Variants in MGAM2 observed in about 807,000 individuals in gnomAD.
MGAM2 encodes maltase-glucoamylase 2 (putative).
In MGAM2, 98 loss-of-function variants were observed where a neutral mutation model predicts 96.1. The observed-to-expected ratio is 1.02, with a 90% CI of 0.87 to 1.21. The LOEUF is 1.21. MGAM2 is among the 50% of genes most tolerant of loss of function. The probability of loss-of-function intolerance (pLI) is 0.00; values close to 1 mark genes in which losing one functional copy is unlikely to be tolerated. For synonymous variants in MGAM2, 749 were observed against 414.8 expected, an observed-to-expected ratio of 1.81 and a Z score of -9.79; for missense variants, 2,055 against 1,182.4, an observed-to-expected ratio of 1.74 and a Z score of -10.82.
chr7:142,131,626 A>G lies in MGAM2; in HGVS notation c.419A>G (p.Lys140Arg), dbSNP rs1794891803. The change falls in exon 5 of 48, where the codon AAG becomes AGG. Residue 140 changes from lysine to arginine, a missense_variant and splice_region_variant. Transcript: ENST00000477922. Reference sequence around the variant, plus strand: ...CAGACATCCAATCGGTTTCATTTTAAGGTTGGTTTGGGAGTGACTGCTAAA... The same window carrying G: ...CAGACATCCAATCGGTTTCATTTTAGGGTTGGTTTGGGAGTGACTGCTAAA... ...EYQTSNRFHF[K>R]ITDFNNIRYE... The G allele has an allele frequency of 1.4e-6, 1 of 703,100 alleles. No individual in the cohort carries two copies. The highest frequency in any genetic ancestry group is 2.0e-5 in the Admixed American group (1 of 49,994). 43.6% of individuals were successfully genotyped at this position (703,100 alleles called of 1,614,324 possible). A position where few individuals can be genotyped will look rare whatever the true frequency, so the allele number is the denominator to read the frequency against.
intron 3 of MGAM2, among the ~76,000 whole-genome samples, chr7:142,128,917 T>A (rs1585145563): frequency 1.2e-5 from 1 of 81,694 alleles, no homozygotes; most frequent in African/African-American, 5.5e-5. Context: ...AGAGGGCCAC[T>A]GTCCTCCAGC....
Position 142,198,167 on chromosome 7 carries a change from C to T in MGAM2, c.4895C>T (p.Pro1632Leu), listed in dbSNP as rs773176070. ...ACATTTGAGATCTCTGCTTATTTTC[C>T]GAGAGCCCGTTGGTATGACTATAGC... is the stretch of plus-strand genomic sequence containing the variant. The part of the protein sequence containing the change: ...TSTFEISAYF[P>L]RARWYDYSTG... Residue 1632 changes from proline (P) to leucine (L), a missense_variant, in exon 43 of 48, where the codon CCG becomes CTG. Pro to Leu is a moderately conservative substitution (Grantham distance 98). Transcript: ENST00000477922. The T allele has an allele frequency of 3.6e-5, 25 of 702,522 alleles. No individual in the cohort carries two copies. The highest frequency in any genetic ancestry group is 7.4e-5 in the South Asian group (5 of 67,516). 43.5% of individuals were successfully genotyped at this position (702,522 alleles called of 1,614,324 possible). A position where few individuals can be genotyped will look rare whatever the true frequency, so the allele number is the denominator to read the frequency against.
chr7:142,185,173 C>T (rs1338231725), intron 34 of MGAM2, 34 bp downstream of exon 34: 1 of 698,268 alleles, frequency 1.4e-6, no homozygotes, highest in Non-Finnish European at 2.6e-6. Context: ...TCAACATTGC[C>T]CTAAACATCT....
At position 142,172,769 on chromosome 7, in the gene MGAM2, G is replaced by A. The variant is rs963019016; in HGVS notation, c.3561+5G>A. The stretch of plus-strand genomic sequence containing the variant: ...GTAACTCAGCAATACACAGAGGTTA[G>A]AAGCCATTCTGTCCATCAATATATT... On this transcript the variant is annotated splice_donor_5th_base_variant and intron_variant, in intron 30 of 47. Transcript: ENST00000477922. 31 of 696,556 alleles carry A rather than the reference G, an allele frequency of 4.5e-5. No individual in the cohort carries two copies. Among genetic ancestry groups the A allele is most frequent in the Admixed American group, 1.5e-4 (7 of 48,258 alleles). The allele number at this position is 696,556 out of a possible 1,614,324, so 43.1% of individuals were successfully genotyped here. A position where few individuals can be genotyped will look rare whatever the true frequency, so the allele number is the denominator to read the frequency against.
At chr7:142,124,310 C>A (rs1794677490) in intron 3 of MGAM2, among the ~76,000 whole-genome samples, 1 of 151,980 alleles carries the variant, frequency 6.6e-6, no homozygotes, top group African/African-American at 2.4e-5. Context: ...ATCGATCCAT[C>A]ACCACTTATT....
chr7:142,185,884 GAGCA>G, intron 34 of MGAM2, 101 bp from the exon 35 acceptor site: 2 of 609,018 alleles, frequency 3.3e-6, no homozygotes, highest in Non-Finnish European at 5.9e-6. Flanking sequence ...TCTGAGATTA[GAGCA>G]GAGACTGATC....
chr7:142,214,607 C>T (rs1260782742), intron 46 of MGAM2, among the ~76,000 whole-genome samples: 1 of 152,134 alleles, frequency 6.6e-6, no homozygotes, highest in Non-Finnish European at 1.5e-5. Flanking sequence ...TGTGAAGGAC[C>T]TCTTCAAGGA....
chr7:142,204,091 C>T (rs1418350274), intron 45 of MGAM2, among the ~76,000 whole-genome samples: 4 of 151,952 alleles, frequency 2.6e-5, no homozygotes, highest in African/African-American at 4.8e-5. Flanking sequence ...TTTCTCTCAT[C>T]TACTTACCTA....
At chr7:142,190,261 A>G (rs1362996920) in intron 37 of MGAM2, among the ~76,000 whole-genome samples, 1 of 128,232 alleles carries the variant, frequency 7.8e-6, no homozygotes. Context: ...AGGCTGTACC[A>G]TTTTACTTTT....
intron 3 of MGAM2, among the ~76,000 whole-genome samples, chr7:142,123,963 C>CTTTTTT (rs960655956): frequency 7.1e-5 from 7 of 98,116 alleles, no homozygotes; most frequent in African/African-American, 2.7e-4. Context: ...AGTCCAGAAA[C>CTTTTTT]TTTTTTTTTT....
In MGAM2 at chr7:142,172,773, C is replaced by T. The variant is rs1463977925; in HGVS notation, c.3561+9C>T. 2.9e-6 allele frequency: 2 copies of T among 693,696 alleles called. No homozygotes were observed. The highest frequency in any genetic ancestry group is 5.2e-6 in the Non-Finnish European group (2 of 382,012). The allele number at this position is 693,696 out of a possible 1,614,324, so 43.0% of individuals were successfully genotyped here. ...CTCAGCAATACACAGAGGTTAGAAGCCATTCTGTCCATCAATATATTGTCA... is the reference window on the plus strand; with the variant it reads ...CTCAGCAATACACAGAGGTTAGAAGTCATTCTGTCCATCAATATATTGTCA... On this transcript the variant is annotated intron_variant, in intron 30 of 47. Transcript: ENST00000477922.
chr7:142,179,293 C>A (rs1364770239), intron 32 of MGAM2, among the ~76,000 whole-genome samples: 1 of 152,162 alleles, frequency 6.6e-6, no homozygotes, highest in Non-Finnish European at 1.5e-5. Context: ...GGAATCATGT[C>A]ATCCTTGGAG....
chr7:142,121,887 C>A (rs189232008), intron 3 of MGAM2, among the ~76,000 whole-genome samples: 32 of 151,894 alleles, frequency 2.1e-4, no homozygotes, highest in Admixed American at 3.3e-4. Context: ...TCTATTTCTT[C>A]CAGAATAATG....
At chr7:142,114,200 AAG>A (rs1256608272) in intron 1 of MGAM2, among the ~76,000 whole-genome samples, 1 of 139,270 alleles carries the variant, frequency 7.2e-6, no homozygotes, top group Non-Finnish European at 1.5e-5. Context: ...GAAAGAAAGA[AAG>A]AAAGAAAGAA....
intron 1 of MGAM2, among the ~76,000 whole-genome samples, chr7:142,113,048 A>C (rs1817227401): frequency 6.6e-6 from 1 of 152,188 alleles, no homozygotes; most frequent in Non-Finnish European, 1.5e-5. Context: ...ATTATTACAC[A>C]TTAACCTAAA....
chr7:142,221,739 C>T lies in MGAM2; in HGVS notation c.7228C>T (p.Leu2410Phe), dbSNP rs776423602. Residue 2410 changes from leucine (L) to phenylalanine (F), a missense_variant, in exon 48 of 48, where the codon CTT becomes TTT. By Grantham distance (22) the Leu-to-Phe change is conservative (BLOSUM62 0). Coordinates refer to ENST00000477922, the MANE Select transcript of MGAM2 (RefSeq NM_001293626.2). ...CCACACCTCATTAGCTCCTACAAATCTTTCTAATCTAGGCACCATGGATAT... is the reference window on the plus strand; with the variant it reads ...CCACACCTCATTAGCTCCTACAAATTTTTCTAATCTAGGCACCATGGATAT... ...LSHTSLAPTN[L>F]SNLGTMDITD... 9 of 408,694 alleles carry T rather than the reference C, an allele frequency of 2.2e-5. No homozygotes were observed. The highest frequency in any genetic ancestry group is 4.1e-5 in the African/African-American group (2 of 48,670). 25.3% of individuals were successfully genotyped at this position (408,694 alleles called of 1,614,324 possible).
At chr7:142,115,944 A>T (rs1817381647) in intron 1 of MGAM2, among the ~76,000 whole-genome samples, 1 of 152,238 alleles carries the variant, frequency 6.6e-6, no homozygotes, top group South Asian at 2.1e-4. Flanking sequence ...CAAAAGTGTA[A>T]CAGTTCTGGG....
rs1273755314 is a variant in MGAM2 at position 142,208,601 on chromosome 7, G to T, written c.5166G>T (p.Leu1722Phe). The change falls in exon 46 of 48, where the codon TTG (leucine) becomes TTT (phenylalanine). Residue 1722 changes from leucine (L) to phenylalanine (F), a missense_variant. Transcript: ENST00000477922. ...CCTATGAAAATGGAAATTATTTTTT[G>T]GCAAACTTTATAGCAGCTCAGGTAA... ...IDTYENGNYF[L>F]ANFIAAQNIL... 3 of 702,502 alleles carry T rather than the reference G, an allele frequency of 4.3e-6. No homozygotes were observed. The highest frequency in any genetic ancestry group is 7.8e-6 in the Non-Finnish European group (3 of 384,802). 43.5% of individuals were successfully genotyped at this position (702,502 alleles called of 1,614,324 possible).
Position 142,136,624 on chromosome 7 carries a change from G to C in MGAM2, c.831G>C (p.Met277Ile), listed in dbSNP as rs1465932667. Residue 277 changes from methionine to isoleucine, a missense_variant, in exon 8 of 48, where the codon ATG becomes ATC. Physicochemically the swap from Met to Ile is conservative, Grantham distance 10. Coordinates refer to ENST00000477922, the MANE Select transcript of MGAM2 (RefSeq NM_001293626.2). ...GCTCCTCTTTTGGAGTATTTCTGATGAACAGTAATGCCATGGGTAGGAAGC... is the reference window on the plus strand; with the variant it reads ...GCTCCTCTTTTGGAGTATTTCTGATCAACAGTAATGCCATGGGTAGGAAGC... ...ARGSSFGVFL[M>I]NSNAMEVTLQ... 2 of 701,674 alleles carry C rather than the reference G, an allele frequency of 2.9e-6. No homozygotes were observed. Among genetic ancestry groups the C allele is most frequent in the Non-Finnish European group, 5.2e-6 (2 of 384,094 alleles). 43.5% of individuals were successfully genotyped at this position (701,674 alleles called of 1,614,324 possible).
Sources: gnomAD v4.1 joint callset for allele counts (sites outside exome capture counted in the v4.1 genomes callset) on GRCh38, gnomAD v4.1.1 for gene constraint, MANE v1.5 for transcripts, NCBI Gene and HGNC (gene_info 2026-07-23, HGNC 2026-07-21) for gene names.